The following NHSL1 variants were observed in gnomAD, a reference collection of about 807,000 sequenced individuals.
NHSL1 encodes the protein NHS like 1.
NHSL1 carries 48 observed loss-of-function variants against 95.0 expected under a neutral mutation model. The observed-to-expected ratio is 0.51, with a 90% CI of 0.40 to 0.64. NHSL1 has a LOEUF of 0.64. Among genes scored for constraint, NHSL1 ranks in the 30% least tolerant of loss-of-function variants. The probability of loss-of-function intolerance (pLI) is 0.00; values close to 1 mark genes in which losing one functional copy is unlikely to be tolerated. For missense variants in NHSL1, 1,971 were observed against 2,077.7 expected, an observed-to-expected ratio of 0.95 and a Z score of 1.00; for synonymous variants, 783 against 833.9, an observed-to-expected ratio of 0.94 and a Z score of 1.05.
At chr6:138,592,454 CTGGGG>C (rs1196905786) in intron 1 of NHSL1, among the ~76,000 whole-genome samples, 10 of 152,134 alleles carry the variant, frequency 6.6e-5, no homozygotes, top group African/African-American at 2.2e-4. Context: ...CAAAAATTGG[CTGGGG>C]TGGTGGCAGG....
At position 138,433,146 on chromosome 6, in the gene NHSL1, C is replaced by T. The variant is rs1308432790; in HGVS notation, c.1199G>A (p.Cys400Tyr). The change falls in exon 6 of 8, where the codon TGT becomes TAT. Residue 400 changes from cysteine to tyrosine, a missense_variant. Physicochemically the swap from Cys to Tyr is radical, Grantham distance 194. This residue lies in a region of NHSL1 where 1,602 missense variants were observed against 1,654.5 expected (regional missense o/e 0.97). Coordinates refer to ENST00000343505, the MANE Select transcript of NHSL1 (RefSeq NM_001144060.2). ...FESENIMSPA[C>Y]VVSPHATYST... is the part of the protein sequence containing the mutation. ...GTAGGTTGCATGAGGAGAAACCACA[C>T]ACGCTGGGCTCATTATATTTTCACT... 3 of 1,551,158 alleles carry T rather than the reference C, an allele frequency of 1.9e-6. No individual in the cohort carries two copies. Among genetic ancestry groups the T allele is most frequent in the Non-Finnish European group, 2.6e-6 (3 of 1,146,920 alleles).
chr6:138,531,112 C>G (rs186915593), intron 1 of NHSL1, among the ~76,000 whole-genome samples: 7 of 152,274 alleles, frequency 4.6e-5, no homozygotes, highest in African/African-American at 1.7e-4. Context: ...AGACTTCCAG[C>G]CTACAGAACT....
At chr6:138,623,354 G>A (rs1784691851) in intron 1 of NHSL1, among the ~76,000 whole-genome samples, 1 of 152,128 alleles carries the variant, frequency 6.6e-6, no homozygotes, top group South Asian at 2.1e-4. Context: ...GGTACAGGGA[G>A]CTTATCCCTC....
upstream of NHSL1, among the ~76,000 whole-genome samples, chr6:138,576,374 G>A (rs551976722): frequency 7.9e-5 from 12 of 152,262 alleles, no homozygotes; most frequent in South Asian, 6.2e-4. Context: ...ACATCTTAAC[G>A]TAGCTATTTT....
chr6:138,629,824 A>G (rs1054712901), intron 1 of NHSL1, among the ~76,000 whole-genome samples: 2 of 152,252 alleles, frequency 1.3e-5, no homozygotes, highest in Admixed American at 1.3e-4. Flanking sequence ...TAATAAGCAA[A>G]CACATAGTAA....
intron 1 of NHSL1, among the ~76,000 whole-genome samples, chr6:138,583,506 C>T (rs1010822322): frequency 1.8e-4 from 27 of 152,282 alleles, no homozygotes; most frequent in Non-Finnish European, 2.5e-4. Context: ...TAACACCCCA[C>T]GCAGAGAGAT....
intron 5 of NHSL1, among the ~76,000 whole-genome samples, chr6:138,434,410 T>TAAAAA (rs373971787): frequency 6.5e-5 from 9 of 138,530 alleles, no homozygotes; most frequent in African/African-American, 2.1e-4. Context: ...AATAGTATGT[T>TAAAAA]AAAAAAAAAA....
chr6:138,508,507 G>T (rs888696585), intron 1 of NHSL1, among the ~76,000 whole-genome samples: 2 of 152,184 alleles, frequency 1.3e-5, no homozygotes, highest in Admixed American at 1.3e-4. Context: ...TAAGTGACCT[G>T]CAGTGATCAC....
intron 2 of NHSL1, among the ~76,000 whole-genome samples, chr6:138,494,627 A>C (rs1224900142): frequency 6.6e-6 from 1 of 152,184 alleles, no homozygotes; most frequent in Non-Finnish European, 1.5e-5. Flanking sequence ...ACAAGATAAA[A>C]TTATTTTTCT....
At chr6:138,587,875 T>G (rs1195696336) in intron 1 of NHSL1, among the ~76,000 whole-genome samples, 1 of 152,248 alleles carries the variant, frequency 6.6e-6, no homozygotes, top group African/African-American at 2.4e-5. Context: ...CCAGGAAAGT[T>G]AAGCCAAACA....
rs950947504 is a variant in NHSL1 at position 138,422,325 on chromosome 6, C to T, written c.*1756G>A. The T allele has an allele frequency of 4.6e-5, 7 of 152,126 alleles. No homozygotes were observed. Among genetic ancestry groups the T allele is most frequent in the African/African-American group, 1.2e-4 (5 of 41,404 alleles). The allele number at this position is 152,126 out of a possible 1,614,324, so 9.4% of individuals were successfully genotyped here. A position where few individuals can be genotyped will look rare whatever the true frequency, so the allele number is the denominator to read the frequency against. ...GCTCCAAATCTCTGGTCTTGACTTCCGGTTGTGTGAAGAGCAGTGTTTTGT... is the reference window on the plus strand; with the variant it reads ...GCTCCAAATCTCTGGTCTTGACTTCTGGTTGTGTGAAGAGCAGTGTTTTGT... On this transcript the variant is annotated 3_prime_UTR_variant, in exon 8 of 8. Coordinates refer to ENST00000343505, the MANE Select transcript of NHSL1 (RefSeq NM_001144060.2).
intron 1 of NHSL1, among the ~76,000 whole-genome samples, chr6:138,625,162 G>T (rs1211497141): frequency 6.6e-6 from 1 of 151,642 alleles, no homozygotes; most frequent in Non-Finnish European, 1.5e-5. Context: ...TGCTTTTTTT[G>T]AGACAGGGTC....
intron 7 of NHSL1, among the ~76,000 whole-genome samples, chr6:138,426,326 A>G (rs1448841913): frequency 6.6e-6 from 1 of 152,214 alleles, no homozygotes; most frequent in East Asian, 1.9e-4. Flanking sequence ...TTACCCATGC[A>G]TGCCATGCCT....
chr6:138,668,058 T>G (rs1785316932), intron 1 of NHSL1, among the ~76,000 whole-genome samples: 1 of 151,562 alleles, frequency 6.6e-6, no homozygotes, highest in South Asian at 2.1e-4. Flanking sequence ...GAATTCATTT[T>G]AGTGGACACA....
intron 2 of NHSL1, among the ~76,000 whole-genome samples, chr6:138,481,682 GTTTATTA>G (rs1343598156): frequency 6.6e-6 from 1 of 152,024 alleles, no homozygotes; most frequent in Non-Finnish European, 1.5e-5. Flanking sequence ...GGCCCTTTTG[GTTTATTA>G]TTAGACTAAT....
chr6:138,562,348 T>C (rs1361691710), intron 1 of NHSL1, among the ~76,000 whole-genome samples: 1 of 152,196 alleles, frequency 6.6e-6, no homozygotes, highest in African/African-American at 2.4e-5. Flanking sequence ...CTTCTCTTAA[T>C]AAAGATACCC....
chr6:138,618,321 G>C (rs1466531464), intron 1 of NHSL1, among the ~76,000 whole-genome samples: 2 of 152,126 alleles, frequency 1.3e-5, no homozygotes, highest in Admixed American at 6.5e-5. Flanking sequence ...TTTTCAAAAA[G>C]CTCCTCCAAC....
chr6:138,523,627 GAAAAAAAAAAAAA>G (rs67335375), intron 1 of NHSL1, among the ~76,000 whole-genome samples: 33 of 64,938 alleles, frequency 5.1e-4, no homozygotes, highest in African/African-American at 1.9e-3. Context: ...TTTTAAAGAG[GAAAAAAAAAAAAA>G]AAAAAAAAAA....
At chr6:138,610,228 T>C (rs183025969) in intron 1 of NHSL1, among the ~76,000 whole-genome samples, 3 of 152,168 alleles carry the variant, frequency 2.0e-5, no homozygotes, top group Non-Finnish European at 2.9e-5. Context: ...AAACCACAAC[T>C]TAGAAGACAA....
Sources: gnomAD v4.1 joint callset for allele counts (sites outside exome capture counted in the v4.1 genomes callset) on GRCh38, gnomAD v4.1.1 for gene constraint, gnomAD v4.1.1 regional missense constraint, MANE v1.5 for transcripts, NCBI Gene and HGNC (gene_info 2026-07-23, HGNC 2026-07-21) for gene names.